The following RANBP2 variants were observed in gnomAD, a reference collection of about 807,000 sequenced individuals.
RANBP2 encodes the protein RAN binding protein 2, also known as E3 SUMO-protein ligase RanBP2.
In RANBP2, 57 loss-of-function variants were observed where a neutral mutation model predicts 303.6. That is an observed-to-expected ratio of 0.19 (90% CI 0.15 to 0.23). RANBP2 has a LOEUF of 0.23. RANBP2 is among the 10% of genes least tolerant of loss of function. The pLI, the probability that RANBP2 is intolerant of heterozygous loss-of-function variation, is 1.00. For synonymous variants in RANBP2, 1,167 were observed against 1,301.5 expected, an observed-to-expected ratio of 0.90 and a Z score of 2.23; for missense variants, 3,138 against 3,780.8, an observed-to-expected ratio of 0.83 and a Z score of 4.46.
the RANBP2 span, among the ~76,000 whole-genome samples, chr2:109,486,863 C>T: frequency 6.6e-6 from 1 of 152,234 alleles, no homozygotes; most frequent in Non-Finnish European, 1.5e-5. Context: ...CTCGGCAGAT[C>T]TGTCTCCCGC....
the RANBP2 span, chr2:108,876,201 T>C: frequency 6.8e-6 from 11 of 1,613,402 alleles, no homozygotes; most frequent in East Asian, 2.5e-4. Context: ...TCAACTCTGT[T>C]CAATCTGGGT....
chr2:109,441,249 GTCAA>G, the RANBP2 span, among the ~76,000 whole-genome samples: 2 of 151,960 alleles, frequency 1.3e-5, no homozygotes, highest in African/African-American at 4.8e-5. Context: ...GAAGGGATCA[GTCAA>G]TCAATCAAAA....
the RANBP2 span, among the ~76,000 whole-genome samples, chr2:108,994,807 TATATATATATATATATATATATC>T: frequency 1.8e-5 from 2 of 112,258 alleles, no homozygotes; most frequent in East Asian, 5.0e-4. Context: ...TATATATATA[TATATATATATATATATATATATC>T]TTTTTTTTTT....
chr2:108,765,511 T>G lies in RANBP2; in HGVS notation c.4972T>G (p.Phe1658Val), dbSNP rs755016899. 15 of 1,562,054 alleles carry G rather than the reference T, an allele frequency of 9.6e-6. No individual in the cohort carries two copies. The highest frequency in any genetic ancestry group is 5.4e-5 in the Admixed American group (3 of 55,100). The change falls in exon 20 of 29, where the codon TTT (phenylalanine) becomes GTT (valine). Residue 1658 changes from phenylalanine (F) to valine (V), a missense_variant. Phe to Val is a conservative substitution (Grantham distance 50). Coordinates refer to ENST00000283195, the MANE Select transcript of RANBP2 (RefSeq NM_006267.5). ...SETSKAPKSG[F>V]EGMFTKKEGQ... ...GACAAGCAAGGCTCCAAAGAGCGGA[T>G]TTGAGGGAATGTTCACTAAGAAGGA... is the stretch of plus-strand genomic sequence containing the variant.
the RANBP2 span, among the ~76,000 whole-genome samples, chr2:108,995,516 AT>A: frequency 3.9e-5 from 6 of 152,190 alleles, no homozygotes; most frequent in African/African-American, 1.4e-4. Context: ...CAAAATGGGA[AT>A]AAACAGGCAT....
the RANBP2 span, among the ~76,000 whole-genome samples, chr2:109,377,944 G>A: frequency 6.6e-6 from 1 of 152,234 alleles, no homozygotes; most frequent in Non-Finnish European, 1.5e-5. Context: ...CGGATAGCTC[G>A]GGCATTGTTG....
At chr2:108,746,932 G>C (rs1476591274) in intron 8 of RANBP2, 134 bp downstream of exon 8, 9 of 1,236,332 alleles carry the variant, frequency 7.3e-6, no homozygotes. Context: ...TCAGTTAAGA[G>C]CAATAGGTAT....
chr2:109,219,005 C>T, the RANBP2 span, among the ~76,000 whole-genome samples: 3 of 152,226 alleles, frequency 2.0e-5, no homozygotes, highest in East Asian at 5.8e-4. Context: ...GTTATGGGCA[C>T]TGACCTCTCT....
the RANBP2 span, among the ~76,000 whole-genome samples, chr2:109,445,951 G>A: frequency 3.3e-5 from 5 of 152,082 alleles, no homozygotes; most frequent in African/African-American, 4.8e-5. Flanking sequence ...AAGCTGCAGC[G>A]GGACTGAAAC....
At chr2:109,462,911 G>A in the RANBP2 span, among the ~76,000 whole-genome samples, 1 of 152,222 alleles carries the variant, frequency 6.6e-6, no homozygotes, top group Non-Finnish European at 1.5e-5. Context: ...GGTCAGTTCA[G>A]ATCCAGTGTC....
chr2:109,337,523 C>G, the RANBP2 span, among the ~76,000 whole-genome samples: 5 of 152,232 alleles, frequency 3.3e-5, no homozygotes, highest in Non-Finnish European at 7.3e-5. Flanking sequence ...CACCCCCGGT[C>G]ACAGGATCAC....
the RANBP2 span, among the ~76,000 whole-genome samples, chr2:109,339,975 C>T: frequency 6.6e-6 from 1 of 152,170 alleles, no homozygotes; most frequent in African/African-American, 2.4e-5. Flanking sequence ...CCCAGTTACA[C>T]GCTTTGTGAT....
chr2:109,721,155 A>C, the RANBP2 span, among the ~76,000 whole-genome samples: 2 of 152,228 alleles, frequency 1.3e-5, no homozygotes, highest in African/African-American at 4.8e-5. Context: ...CTTCTTGAAG[A>C]CTTCTGAGTA....
the RANBP2 span, among the ~76,000 whole-genome samples, chr2:109,523,095 T>C: frequency 0.018 from 2,721 of 152,262 alleles, 75 homozygotes; most frequent in African/African-American, 0.061. Context: ...TCTGTGGTCC[T>C]GGAGAGGTTG....
the RANBP2 span, among the ~76,000 whole-genome samples, chr2:109,169,576 C>A: frequency 1.3e-5 from 2 of 152,120 alleles, no homozygotes; most frequent in South Asian, 4.1e-4. Flanking sequence ...CATAAAGTTG[C>A]TTTATGCTGA....
chr2:109,120,221 G>A, the RANBP2 span, among the ~76,000 whole-genome samples: 2 of 152,220 alleles, frequency 1.3e-5, no homozygotes, highest in Non-Finnish European at 2.9e-5. Context: ...TGTAAGAGGA[G>A]GGGGAGGGCC....
chr2:109,661,229 G>C, the RANBP2 span, among the ~76,000 whole-genome samples: 4 of 146,588 alleles, frequency 2.7e-5, no homozygotes, highest in Non-Finnish European at 5.9e-5. Context: ...GGGCATGAGG[G>C]AGCATTAGTA....
chr2:109,406,574 C>T, the RANBP2 span, among the ~76,000 whole-genome samples: 6 of 152,336 alleles, frequency 3.9e-5, no homozygotes, highest in East Asian at 9.6e-4. Context: ...CTAGCCACTA[C>T]TTGTTTTGGT....
At chr2:109,498,577 G>A in the RANBP2 span, among the ~76,000 whole-genome samples, 2 of 152,196 alleles carry the variant, frequency 1.3e-5, no homozygotes, top group African/African-American at 4.8e-5. Context: ...CACTCAGCTC[G>A]ATTTTCAGAC....
Sources: allele counts gnomAD v4.1 joint callset (sites outside exome capture counted in the v4.1 genomes callset), GRCh38; gene constraint gnomAD v4.1.1; transcripts MANE v1.5; gene names NCBI Gene and HGNC (gene_info 2026-07-23, HGNC 2026-07-21).